PLB1: variants seen among roughly 807,000 people sequenced by gnomAD.
PLB1 encodes phospholipase B1.
A neutral mutation model predicts 227.4 loss-of-function variants in PLB1; 242 were observed. The observed-to-expected ratio is 1.06, with a 90% confidence interval of 0.96 to 1.18. PLB1 has a LOEUF of 1.18. Ranked by LOEUF, PLB1 falls within the 50% of genes most tolerant of loss-of-function variation. The pLI is 0.00. For missense variants in PLB1, 1,858 were observed against 1,816.3 expected (o/e 1.02, Z -0.42); for synonymous variants, 757 against 682.2 (o/e 1.11, Z -1.71).
intron 8 of PLB1, among the ~76,000 whole-genome samples, chr2:28,531,384 T>A (rs1670991232): frequency 6.6e-6 from 1 of 152,232 alleles, no homozygotes; most frequent in African/African-American, 2.4e-5. Flanking sequence ...CGATCTCGTT[T>A]CATCACAACT....
chr2:28,626,587 G>A (rs1268358313), intron 51 of PLB1, 79 bp downstream of exon 51: 3 of 1,296,036 alleles, frequency 2.3e-6, no homozygotes, highest in African/African-American at 1.5e-5. Context: ...ATCCATCCCT[G>A]GCCCTGCCCC....
chr2:28,598,288 G>C (rs974744885), intron 34 of PLB1, among the ~76,000 whole-genome samples: 2 of 152,180 alleles, frequency 1.3e-5, no homozygotes, highest in African/African-American at 4.8e-5. Flanking sequence ...TTCAATCTCC[G>C]ATGTGCTTGT....
intron 38 of PLB1, 143 bp from the exon 39 acceptor site, chr2:28,602,678 G>A: frequency 1.4e-6 from 1 of 709,596 alleles, no homozygotes; most frequent in Non-Finnish European, 2.4e-6. Context: ...GCCCTACGAG[G>A]TAGCCCTGTA....
intron 33 of PLB1, chr2:28,594,105 C>T (rs1243845596): frequency 5.2e-6 from 3 of 577,912 alleles, no homozygotes; most frequent in Admixed American, 2.0e-5. Flanking sequence ...GTTCCTACGT[C>T]TCTGTTTACT....
intron 14 of PLB1, among the ~76,000 whole-genome samples, chr2:28,545,542 G>T: frequency 6.6e-6 from 1 of 152,286 alleles, no homozygotes; most frequent in African/African-American, 2.4e-5. Flanking sequence ...ACTTTCGGTG[G>T]TTTCTTGAGG....
At chr2:28,631,922 A>T in intron 54 of PLB1, 114 bp from the exon 55 acceptor site, 1 of 811,242 alleles carries the variant, frequency 1.2e-6, no homozygotes. Flanking sequence ...CCTTAAAGTC[A>T]CTGTCCTTTA....
intron 20 of PLB1, among the ~76,000 whole-genome samples, chr2:28,567,694 G>C (rs759711388): frequency 6.6e-6 from 1 of 151,952 alleles, no homozygotes; most frequent in African/African-American, 2.4e-5. Flanking sequence ...GGATGGTCTC[G>C]ATTTCCTGAC....
Position 28,630,653 on chromosome 2 carries a change from T to G in PLB1, c.3886T>G (p.Trp1296Gly), listed in dbSNP as rs1688487345. Residue 1296 changes from tryptophan (W) to glycine (G), a missense_variant, in exon 54 of 58, where the codon TGG (tryptophan) becomes GGG (glycine). By Grantham distance (184) the Trp-to-Gly change is radical. Transcript: ENST00000327757. ...LEKQELKKVN[W>G]NLQHGISSFS... ...GAAGCAAGAACTGAAGAAAGTGAAC[T>G]GGAACCTCCAGGTAAGCCCTGCAGC... 1.9e-6 allele frequency: 3 copies of G among 1,612,388 alleles called. No homozygotes were observed. Among genetic ancestry groups the G allele is most frequent in the Non-Finnish European group, 2.5e-6 (3 of 1,179,240 alleles).
chr2:28,520,145 C>G (rs1669328143), intron 4 of PLB1, among the ~76,000 whole-genome samples: 1 of 151,766 alleles, frequency 6.6e-6, no homozygotes, highest in African/African-American at 2.4e-5. Flanking sequence ...TCAGGCTAGT[C>G]TCGAACTCCT....
intron 21 of PLB1, among the ~76,000 whole-genome samples, chr2:28,576,243 A>G (rs1678912626): frequency 6.6e-6 from 1 of 152,216 alleles, no homozygotes; most frequent in Non-Finnish European, 1.5e-5. Context: ...TGGCCTGAAC[A>G]AATGCATCGA....
intron 29 of PLB1, 106 bp from the exon 30 acceptor site, chr2:28,591,027 G>A (rs1681821822): frequency 1.4e-6 from 2 of 1,410,750 alleles, no homozygotes; most frequent in Non-Finnish European, 2.0e-6. Context: ...GGGACACAGG[G>A]CAGGCAGGCC....
chr2:28,585,711 A>G (rs1332086743), intron 25 of PLB1, 50 bp from the exon 26 acceptor site: 3 of 1,410,348 alleles, frequency 2.1e-6, no homozygotes, highest in Middle Eastern at 1.8e-4. Context: ...TCACTTATTC[A>G]GGATGGTGAT....
In PLB1 at chr2:28,529,397, G is replaced by A. The variant is rs1437327027; in HGVS notation, c.406G>A (p.Asp136Asn). 6 of 1,600,762 alleles carry A rather than the reference G, an allele frequency of 3.7e-6. No individual in the cohort carries two copies. The highest frequency in any genetic ancestry group is 1.7e-5 in the Admixed American group (1 of 59,976). Residue 136 changes from aspartate to asparagine, a missense_variant, in exon 7 of 58, where the codon GAT becomes AAT. Coordinates refer to ENST00000327757, the MANE Select transcript of PLB1 (RefSeq NM_153021.5). ...CHTGKRVIPH[D>N]GAEDLWIQAQ... ...CACTGGAAAGAGAGTCATACCCCAC[G>A]ATGGTGCTGAGTAAGTTCCCTTTCT...
chr2:28,581,428 T>C (rs1201298102), intron 23 of PLB1, among the ~76,000 whole-genome samples: 2 of 150,594 alleles, frequency 1.3e-5, no homozygotes, highest in African/African-American at 4.9e-5. Context: ...GGCCTGGAGA[T>C]GTGATGCTTT....
chr2:28,630,090 T>TTTCCCACAGAC (rs1268067988), intron 53 of PLB1, among the ~76,000 whole-genome samples: 2 of 152,170 alleles, frequency 1.3e-5, no homozygotes, highest in Non-Finnish European at 2.9e-5. Context: ...CCTCCCCAGC[T>TTTCCCACAGAC]TTCCCACAGA....
At chr2:28,525,206 T>G (rs1201689483) in intron 4 of PLB1, 61 bp from the exon 5 acceptor site, 2 of 1,532,118 alleles carry the variant, frequency 1.3e-6, no homozygotes, top group African/African-American at 2.7e-5. Flanking sequence ...GCTTGCGGTC[T>G]AACTAGAAGA....
At chr2:28,516,535 T>C (rs1356304404) in intron 1 of PLB1, among the ~76,000 whole-genome samples, 1 of 152,228 alleles carries the variant, frequency 6.6e-6, no homozygotes, top group Non-Finnish European at 1.5e-5. Flanking sequence ...ATAATGTGCT[T>C]GTGCATGATA....
chr2:28,620,526 C>A, intron 47 of PLB1, 74 bp from the exon 48 acceptor site: 1 of 1,538,454 alleles, frequency 6.5e-7, no homozygotes, highest in Non-Finnish European at 8.8e-7. Flanking sequence ...GGTTCCGGTT[C>A]TGGCTTGTGC....
intron 33 of PLB1, among the ~76,000 whole-genome samples, chr2:28,596,890 A>ATGAAGAACAACTATGAC (rs1683010293): frequency 6.6e-6 from 1 of 152,236 alleles, no homozygotes; most frequent in African/African-American, 2.4e-5. Flanking sequence ...CATTCCTTGA[A>ATGAAGAACAACTATGAC]TGAAGAACAA....
Sources: allele counts gnomAD v4.1 joint callset (sites outside exome capture counted in the v4.1 genomes callset), GRCh38; gene constraint gnomAD v4.1.1; transcripts MANE v1.5; gene names NCBI Gene and HGNC (gene_info 2026-07-23, HGNC 2026-07-21).